Variants in ARHGEF10 observed in about 807,000 individuals in gnomAD.
ARHGEF10 encodes Rho guanine nucleotide exchange factor 10, also known as Rho guanine nucleotide exchange factor (GEF) 10.
A neutral mutation model predicts 147.4 loss-of-function variants in ARHGEF10; 140 were observed. The ratio of observed to expected loss-of-function variants is 0.95; its 90% CI spans 0.83 to 1.09. The LOEUF (loss-of-function observed/expected upper bound fraction) is 1.09. ARHGEF10 is among the 50% of genes least tolerant of loss of function. The probability of loss-of-function intolerance (pLI) is 0.00; values close to 1 mark genes in which losing one functional copy is unlikely to be tolerated. For synonymous variants in ARHGEF10, 902 were observed against 695.8 expected (o/e 1.30, Z -4.67); for missense variants, 2,222 against 1,752.7 (o/e 1.27, Z -4.78).
Position 1,903,266 on chromosome 8 carries a change from C to A in ARHGEF10, c.1651-15C>A. ...TCCACGTGGTAACTGCCCACCTCTC[C>A]CCTGTTGCTTGTAGGACATGCTGAA... On this transcript the variant is annotated splice_polypyrimidine_tract_variant and intron_variant, in intron 15 of 28. Coordinates refer to ENST00000349830, the MANE Select transcript of ARHGEF10 (RefSeq NM_014629.4). The A allele has an allele frequency of 6.2e-7, 1 of 1,614,012 alleles. No individual in the cohort carries two copies. The highest frequency in any genetic ancestry group is 8.5e-7 in the Non-Finnish European group (1 of 1,180,010).
At chr8:1,876,353 G>T (rs1455174422) in intron 7 of ARHGEF10, 11 of 602,692 alleles carry the variant, frequency 1.8e-5, no homozygotes, top group Middle Eastern at 4.4e-4. Context: ...AGAAACACCT[G>T]AAGTGCTTTT....
At chr8:1,883,887 T>C (rs1436641872) in intron 10 of ARHGEF10, among the ~76,000 whole-genome samples, 2 of 152,112 alleles carry the variant, frequency 1.3e-5, no homozygotes, top group African/African-American at 4.8e-5. Flanking sequence ...ACCCCCCAAC[T>C]GGAGCCCAGA....
At chr8:1,929,162 C>T (rs1812914454) in intron 24 of ARHGEF10, 124 bp from the exon 25 acceptor site, 1 of 1,064,522 alleles carries the variant, frequency 9.4e-7, no homozygotes, top group African/African-American at 1.6e-5. Flanking sequence ...TGGCAAGTGT[C>T]CCTAGGAATG....
At chr8:1,832,298 G>A (rs1279880093) in intron 1 of ARHGEF10, among the ~76,000 whole-genome samples, 1 of 152,092 alleles carries the variant, frequency 6.6e-6, no homozygotes. Flanking sequence ...CGCCCTTGCT[G>A]TGGACAGAGA....
Position 1,914,798 on chromosome 8 carries a change from G to C in ARHGEF10, c.2143+5328G>C, listed in dbSNP as rs184067534. On this transcript the variant is annotated intron_variant, in intron 18 of 28. Transcript: ENST00000349830. ...TCCTGTATGGCGTGTGGATTTGCAG[G>C]TCCTTCCCACGACTCAAAAGTGTCA... 1.1e-4 allele frequency among the ~76,000 whole-genome samples: 16 copies of C among 152,268 alleles called. No individual in the cohort carries two copies. In the East Asian group the frequency reaches 2.9e-3, roughly 28 times the overall value.
chr8:1,932,794 T>C (rs1191858881), intron 25 of ARHGEF10, among the ~76,000 whole-genome samples: 5 of 152,254 alleles, frequency 3.3e-5, no homozygotes, highest in Admixed American at 6.5e-5. Context: ...ATTCAAAGGT[T>C]CAGTGCTTGA....
chr8:1,902,150 AC>A (rs1009966348), intron 15 of ARHGEF10, among the ~76,000 whole-genome samples: 1 of 148,644 alleles, frequency 6.7e-6, no homozygotes, highest in Admixed American at 6.7e-5. Context: ...CCCTCCCCTC[AC>A]CCCCCGCCCC....
chr8:1,903,475 C>G, intron 16 of ARHGEF10, 24 bp downstream of exon 16: 1 of 1,613,214 alleles, frequency 6.2e-7, no homozygotes, highest in East Asian at 2.2e-5. Context: ...TTCTTCAACT[C>G]TATTCCAAAA....
At chr8:1,921,471 C>G (rs992876516) in intron 18 of ARHGEF10, among the ~76,000 whole-genome samples, 4 of 152,180 alleles carry the variant, frequency 2.6e-5, no homozygotes, top group East Asian at 1.9e-4. Context: ...GCTCACGCCT[C>G]TAATCCCAGC....
At chr8:1,830,521 A>G (rs1351898580) in intron 1 of ARHGEF10, among the ~76,000 whole-genome samples, 1 of 152,222 alleles carries the variant, frequency 6.6e-6, no homozygotes, top group Admixed American at 6.5e-5. Flanking sequence ...ACATGAAGAA[A>G]ATCTACCTGT....
chr8:1,833,761 C>A (rs1021500914), intron 1 of ARHGEF10, among the ~76,000 whole-genome samples: 209 of 152,362 alleles, frequency 1.4e-3, no homozygotes, highest in African/African-American at 4.8e-3. Context: ...CCCGGCCCCA[C>A]TGCCTTCTTT....
chr8:1,866,615 G>C lies in ARHGEF10; in HGVS notation c.622+13G>C, dbSNP rs1323029852. On this transcript the variant is annotated intron_variant, in intron 6 of 28. Coordinates refer to ENST00000349830, the MANE Select transcript of ARHGEF10 (RefSeq NM_014629.4). Reference sequence around the variant, plus strand: ...GCCTGGATGGAGAGTAAGTTCCCCAGCTGCCCACAGCCAGAATCCTCACCA... The same window carrying C: ...GCCTGGATGGAGAGTAAGTTCCCCACCTGCCCACAGCCAGAATCCTCACCA... The C allele has an allele frequency of 6.2e-7, 1 of 1,602,468 alleles. No individual in the cohort carries two copies. The highest frequency in any genetic ancestry group is 1.7e-5 in the Admixed American group (1 of 60,010).
intron 2 of ARHGEF10, among the ~76,000 whole-genome samples, chr8:1,855,681 C>T (rs918082607): frequency 2.6e-5 from 4 of 152,042 alleles, no homozygotes; most frequent in East Asian, 3.8e-4. Context: ...TGAGCCCCTG[C>T]GCCCAGCAAT....
intron 26 of ARHGEF10, among the ~76,000 whole-genome samples, chr8:1,942,128 T>C (rs918808694): frequency 6.6e-6 from 1 of 151,608 alleles, no homozygotes; most frequent in African/African-American, 2.4e-5. Flanking sequence ...CTGGGCTTCA[T>C]TAAAGTTAAA....
intron 10 of ARHGEF10, among the ~76,000 whole-genome samples, chr8:1,884,321 G>A (rs1359903440): frequency 2.6e-5 from 4 of 151,608 alleles, no homozygotes; most frequent in South Asian, 2.1e-4. Flanking sequence ...GCGTGAACCC[G>A]GGAGGCGGAG....
At position 1,865,798 on chromosome 8, in the gene ARHGEF10, G is replaced by A. The variant is rs576967211; in HGVS notation, c.546-728G>A. ...GTCTCTGGGTGCTCACTCTGCTTCC[G>A]GTCTTGGCCTTCCCAGCAGTGTCTC... On this transcript the variant is annotated intron_variant, in intron 5 of 28. Transcript: ENST00000349830. Among the ~76,000 whole-genome samples, 15 of 152,282 alleles carry A rather than the reference G, an allele frequency of 9.9e-5. No individual in the cohort carries two copies. The South Asian group carries it at 2.3e-3, about 23-fold the overall frequency.
chr8:1,931,803 G>GT (rs1813171104), intron 25 of ARHGEF10, among the ~76,000 whole-genome samples: 1 of 27,246 alleles, frequency 3.7e-5, no homozygotes. Context: ...GCTGCGATTT[G>GT]GGATCCTGCT....
At chr8:1,876,386 C>G in intron 7 of ARHGEF10, 185 bp from the exon 8 acceptor site, 2 of 651,460 alleles carry the variant, frequency 3.1e-6, no homozygotes, top group Non-Finnish European at 5.4e-6. Flanking sequence ...CGGCCCTGCC[C>G]GGGTGGTGGA....
intron 9 of ARHGEF10, among the ~76,000 whole-genome samples, chr8:1,880,501 A>G (rs1259381550): frequency 2.0e-5 from 3 of 152,228 alleles, no homozygotes; most frequent in South Asian, 2.1e-4. Flanking sequence ...TTTTTCATCA[A>G]TGTTATTTAA....
Sources: gnomAD v4.1 joint callset for allele counts (sites outside exome capture counted in the v4.1 genomes callset) on GRCh38, gnomAD v4.1.1 for gene constraint, MANE v1.5 for transcripts, NCBI Gene and HGNC (gene_info 2026-07-23, HGNC 2026-07-21) for gene names.